The following ZCRB1 variants were observed in gnomAD, a reference collection of about 807,000 sequenced individuals.
The protein encoded by ZCRB1 is zinc finger CCHC-type and RNA-binding motif-containing protein 1.
ZCRB1 carries 21 observed loss-of-function variants against 29.9 expected under a neutral mutation model. The observed-to-expected ratio is 0.70, with a 90% CI of 0.50 to 1.01. The LOEUF (loss-of-function observed/expected upper bound fraction) is 1.01. Ranked by LOEUF, ZCRB1 falls within the 50% of genes least tolerant of loss-of-function variation. ZCRB1 has a pLI of 0.00. For synonymous variants in ZCRB1, 77 were observed against 80.0 expected (o/e 0.96, Z 0.20); for missense variants, 204 against 253.3 (o/e 0.81, Z 1.32).
intron 5 of ZCRB1, among the ~76,000 whole-genome samples, chr12:42,316,214 C>G (rs2068593927): frequency 6.6e-6 from 1 of 152,128 alleles, no homozygotes; most frequent in South Asian, 2.1e-4. Flanking sequence ...CCTGCCTCAG[C>G]CTTCCAAGTA....
At position 42,313,180 on chromosome 12, in the gene ZCRB1, C is replaced by G; in HGVS notation, c.541G>C (p.Glu181Gln). 13 of 1,605,234 alleles carry G rather than the reference C, an allele frequency of 8.1e-6. No homozygotes were observed. The highest frequency in any genetic ancestry group is 1.0e-5 in the Non-Finnish European group (12 of 1,176,384). The change falls in exon 8 of 8, where the codon GAA (glutamate) becomes CAA (glutamine). Residue 181 changes from glutamate (E) to glutamine (Q), a missense_variant. Transcript: ENST00000266529. Reference sequence around the variant, plus strand: ...GAACTGGGTTTCCATTTTTTTTGTTCTTCTTCAATTTTGGCTTGCTGTGAT... The same window carrying G: ...GAACTGGGTTTCCATTTTTTTTGTTGTTCTTCAATTTTGGCTTGCTGTGAT... ...IAFQQAKIEE[E>Q]QKKWKPSSGV...
Position 42,317,465 on chromosome 12 carries a change from G to T in ZCRB1, c.226-18C>A. The T allele has an allele frequency of 6.5e-7, 1 of 1,541,774 alleles. No individual in the cohort carries two copies. ...CCAAATAACTAAACAAGAGAAAAATGTAAATGTAGAATGTATTTCACTGAA... is the reference window on the plus strand; with the variant it reads ...CCAAATAACTAAACAAGAGAAAAATTTAAATGTAGAATGTATTTCACTGAA... On this transcript the variant is annotated intron_variant, in intron 4 of 7. Transcript: ENST00000266529.
chr12:42,317,894 T>C lies in ZCRB1; in HGVS notation c.118A>G (p.Thr40Ala). 6.2e-7 allele frequency: 1 copy of C among 1,612,114 alleles called. No individual in the cohort carries two copies. The highest frequency in any genetic ancestry group is 1.1e-5 in the South Asian group (1 of 91,010). The change falls in exon 4 of 8, where the codon ACC (threonine) becomes GCC (alanine). Residue 40 changes from threonine to alanine, a missense_variant. Thr to Ala is a moderately conservative substitution (Grantham distance 58). Coordinates refer to ENST00000266529, the MANE Select transcript of ZCRB1 (RefSeq NM_033114.4). The stretch of plus-strand genomic sequence containing the variant: ...CTGGTATCTTTATCTTTCATGATGG[T>C]AACCCTTAAAGCATAAACAAAGAGT... ...FSKYGKVVKVTIMKDKDTRKS... is the reference protein window; with the variant it reads ...FSKYGKVVKVAIMKDKDTRKS...
At position 42,312,735 on chromosome 12, in the gene ZCRB1, C is replaced by G. The variant is rs60092940; in HGVS notation, c.*332G>C. 0.081 allele frequency: 12,783 copies of G among 157,064 alleles called. 582 individuals are homozygous for G. The highest frequency in any genetic ancestry group is 0.15 in the East Asian group (808 of 5,524). 9.7% of individuals were successfully genotyped at this position (157,064 alleles called of 1,614,324 possible). A position where few individuals can be genotyped will look rare whatever the true frequency, so the allele number is the denominator to read the frequency against. On this transcript the variant is annotated 3_prime_UTR_variant, in exon 8 of 8. Transcript: ENST00000266529. Reference sequence around the variant, plus strand: ...ACAATTTATCCAGATTGGGATAAAGCTACAAGAAATATGATGACAAAACAC... The same window carrying G: ...ACAATTTATCCAGATTGGGATAAAGGTACAAGAAATATGATGACAAAACAC...
At chr12:42,316,742 A>G (rs1477934316) in intron 5 of ZCRB1, among the ~76,000 whole-genome samples, 5 of 152,236 alleles carry the variant, frequency 3.3e-5, no homozygotes, top group Non-Finnish European at 7.3e-5. Context: ...ACAAAAATTT[A>G]TGAGTTACGA....
At chr12:42,322,303 TTTTC>T (rs2068625724) in intron 3 of ZCRB1, 111 bp downstream of exon 3, 3 of 1,039,386 alleles carry the variant, frequency 2.9e-6, no homozygotes, top group South Asian at 1.7e-5. Context: ...GTTAATAGTA[TTTTC>T]TTTATTATAT....
At chr12:42,314,535 T>A (rs2068585690) in intron 5 of ZCRB1, among the ~76,000 whole-genome samples, 1 of 149,322 alleles carries the variant, frequency 6.7e-6, no homozygotes, top group African/African-American at 2.5e-5. Flanking sequence ...TGAGCTGAGA[T>A]CATTCCGTTG....
At chr12:42,316,288 CT>C (rs1216360285) in intron 5 of ZCRB1, among the ~76,000 whole-genome samples, 1 of 151,766 alleles carries the variant, frequency 6.6e-6, no homozygotes, top group Non-Finnish European at 1.5e-5. Flanking sequence ...TTAGTAGAAA[CT>C]CAGTTTCACT....
rs749761929 is a variant in ZCRB1, at chr12:42,317,349, A to AT, written c.323dup (p.Tyr108Ter). Residue 108 changes from tyrosine to a stop codon, truncating the protein, a stop_gained and frameshift_variant, in exon 5 of 8, where the codon TAT becomes TAAT. Transcript: ENST00000266529. LOFTEE classifies it high-confidence loss of function. ...TTTTAGGTTTACTTACCCCACATTC[A>AT]TAACACTTAGATTTATCAAAGTAGT... ...RRNYFDKSKC[Y>*]ECGESGHLSY... The AT allele has an allele frequency of 2.7e-5, 43 of 1,608,372 alleles. No individual in the cohort carries two copies. Among genetic ancestry groups the AT allele is most frequent in the Non-Finnish European group, 3.6e-5 (42 of 1,178,074 alleles).
Position 42,313,671 on chromosome 12 carries a change from TA to T in ZCRB1, c.522+18del. 6.2e-7 allele frequency: 1 copy of T among 1,610,970 alleles called. No homozygotes were observed. The highest frequency in any genetic ancestry group is 2.2e-5 in the East Asian group (1 of 44,864). Reference sequence around the variant, plus strand: ...AAGTCAACTATTGTATGATGCCTTTTAAAAGAACAATTTAATACCTGGAATG... The same window carrying T: ...AAGTCAACTATTGTATGATGCCTTTTAAAGAACAATTTAATACCTGGAATG... On this transcript the variant is annotated intron_variant, in intron 7 of 7. Coordinates refer to ENST00000266529, the MANE Select transcript of ZCRB1 (RefSeq NM_033114.4).
chr12:42,325,191 G>A lies in ZCRB1; in HGVS notation c.-3+733C>T, dbSNP rs145743224. On this transcript the variant is annotated intron_variant, in intron 1 of 7. Coordinates refer to ENST00000266529, the MANE Select transcript of ZCRB1 (RefSeq NM_033114.4). The stretch of plus-strand genomic sequence containing the variant: ...GAGACCACTGTGGTATATGTGGTTT[G>A]TTGTTAATCAAAAAGTTGTTATGCT... 5.8e-3 allele frequency among the ~76,000 whole-genome samples: 888 copies of A among 152,348 alleles called. 9 individuals carry two copies. The highest frequency in any genetic ancestry group is 7.8e-3 in the Non-Finnish European group (532 of 68,038).
intron 3 of ZCRB1, among the ~76,000 whole-genome samples, chr12:42,321,903 C>T (rs2068623453): frequency 6.6e-6 from 1 of 152,080 alleles, no homozygotes. Context: ...CATCCATTAC[C>T]ATTTTTGCAT....
At chr12:42,316,198 G>C (rs1179690893) in intron 5 of ZCRB1, among the ~76,000 whole-genome samples, 1 of 151,994 alleles carries the variant, frequency 6.6e-6, no homozygotes, top group East Asian at 1.9e-4. Flanking sequence ...GGGTTCAAGC[G>C]AGTCTCCTGC....
chr12:42,317,983 C>G, intron 3 of ZCRB1, 85 bp from the exon 4 acceptor site: 1 of 1,050,764 alleles, frequency 9.5e-7, no homozygotes, highest in Middle Eastern at 2.1e-4. Context: ...TTAAAAAGGG[C>G]TAAAAATTTA....
chr12:42,315,239 T>C (rs2068589333), intron 5 of ZCRB1, among the ~76,000 whole-genome samples: 1 of 152,216 alleles, frequency 6.6e-6, no homozygotes, highest in Non-Finnish European at 1.5e-5. Context: ...AGAACATTGA[T>C]TTGTAAAACA....
intron 3 of ZCRB1, among the ~76,000 whole-genome samples, chr12:42,318,441 C>G (rs1420274910): frequency 6.6e-6 from 1 of 152,100 alleles, no homozygotes; most frequent in South Asian, 2.1e-4. Flanking sequence ...ACAGCCTGGG[C>G]AACATAATGA....
intron 2 of ZCRB1, 105 bp downstream of exon 2, chr12:42,323,914 C>CA (rs1565694358): frequency 7.4e-6 from 8 of 1,078,404 alleles, no homozygotes; most frequent in Non-Finnish European, 8.0e-6. Flanking sequence ...TAGACTGTCT[C>CA]AAAAAAAGAA....
chr12:42,322,425 C>A lies in ZCRB1; in HGVS notation c.106G>T (p.Val36Phe). 6.7e-7 allele frequency: 1 copy of A among 1,485,150 alleles called. No homozygotes were observed. Among genetic ancestry groups the A allele is most frequent in the Non-Finnish European group, 9.1e-7 (1 of 1,100,148 alleles). 92.0% of individuals were successfully genotyped at this position (1,485,150 alleles called of 1,614,324 possible). A position where few individuals can be genotyped will look rare whatever the true frequency, so the allele number is the denominator to read the frequency against. Residue 36 changes from valine to phenylalanine, a missense_variant, in exon 3 of 8, where the codon GTT (valine) becomes TTT (phenylalanine). Transcript: ENST00000266529. ...LYRIFSKYGKVVKVTIMKDKD... is the reference protein window; with the variant it reads ...LYRIFSKYGKFVKVTIMKDKD... ...TTTAATGTGAATACTTACTTTACAA[C>A]TTTGCCATACTTGGAAAATATCTGA...
Position 42,314,047 on chromosome 12 carries a change from T to C in ZCRB1, c.334-61A>G. On this transcript the variant is annotated intron_variant, in intron 5 of 7. Coordinates refer to ENST00000266529, the MANE Select transcript of ZCRB1 (RefSeq NM_033114.4). ...CATATTTGATGTTATTTATAAAAAC[T>C]TGCCTGGTACCTTATTACTAAAAAG... 3.9e-6 allele frequency: 6 copies of C among 1,535,576 alleles called. No individual in the cohort carries two copies. The South Asian group carries it at 6.3e-5, about 16-fold the overall frequency.
Sources: gnomAD v4.1 joint callset for allele counts (sites outside exome capture counted in the v4.1 genomes callset) on GRCh38, gnomAD v4.1.1 for gene constraint, MANE v1.5 for transcripts, NCBI Gene and HGNC (gene_info 2026-07-23, HGNC 2026-07-21) for gene names.